The following PID1 variants were observed in gnomAD, a reference collection of about 807,000 sequenced individuals.
PID1 encodes the protein phosphotyrosine interaction domain containing 1, also known as PTB-containing, cubilin and LRP1-interacting protein.
PID1 carries 10 observed loss-of-function variants against 19.1 expected under a neutral mutation model. That is an observed-to-expected ratio of 0.52 (90% CI 0.32 to 0.89). PID1 has a LOEUF of 0.89. Among genes scored for constraint, PID1 ranks in the 40% least tolerant of loss-of-function variants. The pLI is 0.03. For missense variants in PID1, 248 were observed against 285.3 expected (o/e 0.87, Z 0.94); for synonymous variants, 130 against 116.0 (o/e 1.12, Z -0.78).
intron 1 of PID1, among the ~76,000 whole-genome samples, chr2:229,206,496 T>C (rs778888097): frequency 3.3e-5 from 5 of 152,148 alleles, no homozygotes; most frequent in African/African-American, 9.7e-5. Flanking sequence ...CCCACTGAAC[T>C]TGAACAAGAA....
chr2:229,110,035 C>A (rs999632813), intron 2 of PID1, among the ~76,000 whole-genome samples: 4 of 152,198 alleles, frequency 2.6e-5, no homozygotes, highest in African/African-American at 9.7e-5. Flanking sequence ...AAGACTGCTG[C>A]CTCCTCTGCT....
chr2:229,149,018 A>G (rs1239007322), intron 2 of PID1, among the ~76,000 whole-genome samples: 2 of 149,302 alleles, frequency 1.3e-5, no homozygotes, highest in Admixed American at 1.3e-4. Context: ...AATGGAAACC[A>G]CAGGCTTGAA....
chr2:229,067,106 T>A (rs927381931), intron 2 of PID1, among the ~76,000 whole-genome samples: 3 of 152,042 alleles, frequency 2.0e-5, no homozygotes, highest in Non-Finnish European at 4.4e-5. Flanking sequence ...CTTCTTCACA[T>A]TGGGGCAGGA....
chr2:229,029,739 C>T (rs1262846919), intron 2 of PID1, among the ~76,000 whole-genome samples: 2 of 151,254 alleles, frequency 1.3e-5, no homozygotes, highest in Admixed American at 1.3e-4. Context: ...ACTCAGAAGG[C>T]TGAGGCAGGA....
At chr2:229,180,745 C>A (rs1268653803) in intron 1 of PID1, among the ~76,000 whole-genome samples, 1 of 152,184 alleles carries the variant, frequency 6.6e-6, no homozygotes, top group Non-Finnish European at 1.5e-5. Context: ...TCAGGATTGG[C>A]GTCTTCGTAT....
chr2:229,190,293 T>G (rs958740625), intron 1 of PID1, among the ~76,000 whole-genome samples: 2 of 152,174 alleles, frequency 1.3e-5, no homozygotes, highest in Non-Finnish European at 2.9e-5. Context: ...GCATAAGGTA[T>G]CAAAACACTG....
At chr2:229,113,244 A>G (rs188448833) in intron 2 of PID1, among the ~76,000 whole-genome samples, 1 of 152,124 alleles carries the variant, frequency 6.6e-6, no homozygotes, top group East Asian at 1.9e-4. Context: ...GTAGATGTCA[A>G]GGGCACCTTG....
Position 229,099,046 on chromosome 2 carries a change from G to A in PID1, c.177+56772C>T, listed in dbSNP as rs919001844. On this transcript the variant is annotated intron_variant, in intron 2 of 2. Coordinates refer to ENST00000392055, the MANE Select transcript of PID1 (RefSeq NM_001100818.2). ...GCCAAGTGCACTGAGGCTGCACTGGGGAAGTTGGTTTAGGCCTGGGAACTT... is the reference window on the plus strand; with the variant it reads ...GCCAAGTGCACTGAGGCTGCACTGGAGAAGTTGGTTTAGGCCTGGGAACTT... Among the ~76,000 whole-genome samples the A allele has an allele frequency of 1.3e-5, 2 of 152,100 alleles. 1 individual carries two copies.
chr2:229,201,600 T>C (rs1318632861), intron 1 of PID1, among the ~76,000 whole-genome samples: 1 of 152,108 alleles, frequency 6.6e-6, no homozygotes, highest in Non-Finnish European at 1.5e-5. Context: ...TATACAAGTA[T>C]TTCTTTGAGA....
intron 2 of PID1, among the ~76,000 whole-genome samples, chr2:229,032,814 G>A (rs1273327730): frequency 2.6e-5 from 4 of 152,194 alleles, no homozygotes; most frequent in Non-Finnish European, 4.4e-5. Context: ...TTTGCAGTGT[G>A]TGTAAATGGA....
rs561119714 is a variant in PID1, at chr2:229,042,350, G to A, written c.178-16242C>T. On this transcript the variant is annotated intron_variant, in intron 2 of 2. Transcript: ENST00000392055. ...AGCTAAAAGGAATATCAATGAAGAC[G>A]TGTCCTTGGCTCCATCTTAATTTAA... Among the ~76,000 whole-genome samples the A allele has an allele frequency of 9.0e-4, 137 of 152,188 alleles. 2 individuals are homozygous for A. Among genetic ancestry groups the A allele is most frequent in the African/African-American group, 3.0e-3 (125 of 41,524 alleles).
intron 2 of PID1, among the ~76,000 whole-genome samples, chr2:229,078,239 A>G (rs545066085): frequency 2.0e-5 from 3 of 152,344 alleles, no homozygotes; most frequent in South Asian, 4.1e-4. Flanking sequence ...ATTTTTGCAC[A>G]TTGATGTGGT....
At chr2:229,260,970 C>T (rs1690450100) in intron 1 of PID1, among the ~76,000 whole-genome samples, 1 of 152,018 alleles carries the variant, frequency 6.6e-6, no homozygotes, top group Non-Finnish European at 1.5e-5. Context: ...AGTACCTCGA[C>T]ATGTGACTTT....
At chr2:229,210,494 G>T (rs1333925121) in intron 1 of PID1, among the ~76,000 whole-genome samples, 1 of 110,286 alleles carries the variant, frequency 9.1e-6, no homozygotes, top group Non-Finnish European at 1.7e-5. Flanking sequence ...TCCAGCCTGG[G>T]AGACAAAGCT....
At chr2:229,163,644 A>AGT in intron 1 of PID1, among the ~76,000 whole-genome samples, 1 of 99,428 alleles carries the variant, frequency 1.0e-5, no homozygotes, top group Non-Finnish European at 2.1e-5. Flanking sequence ...AGAGGGAGAG[A>AGT]GAGAGAGTGT....
intron 2 of PID1, among the ~76,000 whole-genome samples, chr2:229,147,230 T>A (rs1690153910): frequency 6.6e-6 from 1 of 152,222 alleles, no homozygotes; most frequent in Admixed American, 6.5e-5. Context: ...ATGTCTAAGT[T>A]ACCGACTTGC....
intron 1 of PID1, among the ~76,000 whole-genome samples, chr2:229,252,027 G>A (rs1051361180): frequency 1.4e-5 from 2 of 147,998 alleles, no homozygotes; most frequent in Non-Finnish European, 3.0e-5. Flanking sequence ...TGAAGCAACA[G>A]CCAAATTTGT....
chr2:229,205,030 AAAG>A (rs368376254), intron 1 of PID1, among the ~76,000 whole-genome samples: 2 of 152,166 alleles, frequency 1.3e-5, no homozygotes, highest in East Asian at 3.9e-4. Flanking sequence ...CCCAAAGTGA[AAAG>A]AAGAAGGTAA....
At chr2:229,067,275 T>C (rs1054326147) in intron 2 of PID1, among the ~76,000 whole-genome samples, 1 of 152,138 alleles carries the variant, frequency 6.6e-6, no homozygotes, top group Admixed American at 6.5e-5. Flanking sequence ...TTATCACAAC[T>C]CAAGGTGAGA....
Sources: gnomAD v4.1 joint callset for allele counts (sites outside exome capture counted in the v4.1 genomes callset) on GRCh38, gnomAD v4.1.1 for gene constraint, MANE v1.5 for transcripts, NCBI Gene and HGNC (gene_info 2026-07-23, HGNC 2026-07-21) for gene names.